AMBRA1: variants seen among roughly 807,000 people sequenced by gnomAD.
AMBRA1 encodes autophagy and beclin 1 regulator 1.
A neutral mutation model predicts 125.4 loss-of-function variants in AMBRA1; 47 were observed. The observed-to-expected ratio is 0.37, with a 90% CI of 0.30 to 0.48. The LOEUF is 0.48. Among genes scored for constraint, AMBRA1 ranks in the 20% least tolerant of loss-of-function variants. The probability of loss-of-function intolerance (pLI) is 0.99; values close to 1 mark genes in which losing one functional copy is unlikely to be tolerated. For synonymous variants in AMBRA1, 626 were observed against 655.5 expected (o/e 0.95, Z 0.69); for missense variants, 1,331 against 1,693.4 (o/e 0.79, Z 3.76).
rs1351740672 is a variant in AMBRA1, at chr11:46,470,127, T to G, written c.2521+23481A>C. Reference sequence around the variant, plus strand: ...TTAGAGCTAAAGAAAACATGCCAAGTGCCAAAATAAGTGCTCTAAAAGCTT... The same window carrying G: ...TTAGAGCTAAAGAAAACATGCCAAGGGCCAAAATAAGTGCTCTAAAAGCTT... On this transcript the variant is annotated intron_variant, in intron 11 of 17. Transcript: ENST00000683756. 4.6e-5 allele frequency among the ~76,000 whole-genome samples: 7 copies of G among 152,164 alleles called. No homozygotes were observed. The East Asian group carries it at 1.3e-3, about 29-fold the overall frequency.
chr11:46,441,336 A>C (rs1947992776), intron 12 of AMBRA1, among the ~76,000 whole-genome samples: 1 of 152,188 alleles, frequency 6.6e-6, no homozygotes, highest in South Asian at 2.1e-4. Flanking sequence ...CAATATGGCA[A>C]AACCCCGTCT....
At chr11:46,408,741 G>C (rs776725665) in intron 16 of AMBRA1, 35 bp from the exon 17 acceptor site, 11 of 1,492,872 alleles carry the variant, frequency 7.4e-6, no homozygotes, top group Non-Finnish European at 9.0e-6. Flanking sequence ...GTCAGATGGG[G>C]CTTGGGACAG....
rs902172402 is a variant in AMBRA1, at chr11:46,414,337, C to T, written c.3116+3576G>A. On this transcript the variant is annotated intron_variant, in intron 15 of 17. Transcript: ENST00000683756. ...TGGCAATTTTGGCTCCCTTTTGATT[C>T]GGAGGCATGCTTTCCCCTCCCTGGG... Among the ~76,000 whole-genome samples the T allele has an allele frequency of 7.9e-5, 12 of 152,154 alleles. No individual in the cohort carries two copies. In the East Asian group the frequency reaches 1.5e-3, roughly 20 times the overall value.
At position 46,501,683 on chromosome 11, in the gene AMBRA1, C is replaced by T. The variant is rs566254887; in HGVS notation, c.2339+6508G>A. 5.9e-5 allele frequency among the ~76,000 whole-genome samples: 9 copies of T among 152,298 alleles called. 1 individual carries two copies. The South Asian group carries it at 1.7e-3, about 28-fold the overall frequency. ...TACCTCACCCCACATTGACCACTGT[C>T]ACTCACTGATTCACCAAAAATCAAA... On this transcript the variant is annotated intron_variant, in intron 9 of 17. Coordinates refer to ENST00000683756, the MANE Select transcript of AMBRA1 (RefSeq NM_001387011.1).
chr11:46,479,558 G>A (rs987659156), intron 11 of AMBRA1, among the ~76,000 whole-genome samples: 3 of 151,990 alleles, frequency 2.0e-5, no homozygotes, highest in Non-Finnish European at 2.9e-5. Context: ...TTAGCCAGGT[G>A]TAGTGGCAGG....
intron 12 of AMBRA1, among the ~76,000 whole-genome samples, chr11:46,436,205 G>C (rs899921450): frequency 6.6e-6 from 1 of 152,182 alleles, no homozygotes; most frequent in African/African-American, 2.4e-5. Flanking sequence ...AAAGTCAAGG[G>C]CAAGTTTCCC....
At chr11:46,494,103 T>G (rs1950552602) in intron 10 of AMBRA1, 21 bp downstream of exon 10, 4 of 1,591,766 alleles carry the variant, frequency 2.5e-6, no homozygotes, top group African/African-American at 1.3e-5. Context: ...CTCCCTCTGT[T>G]GCTAGCAACT....
intron 1 of AMBRA1, among the ~76,000 whole-genome samples, chr11:46,562,765 T>C (rs1304907275): frequency 2.6e-5 from 4 of 151,820 alleles, no homozygotes; most frequent in Non-Finnish European, 5.9e-5. Flanking sequence ...ATTTTTCCTA[T>C]AAATTAATAG....
Position 46,397,606 on chromosome 11 carries a change from G to A in AMBRA1, c.3741C>T (p.Thr1247=), listed in dbSNP as rs748009899. ...GTPGREPTQP[T]LPSSSPVPIP... ...TGGGGACAGGGGAGGAAGAGGGCAG[G>A]GTTGGCTGGGTTGGCTCCCGCCCAG... Residue 1247 remains threonine, a synonymous_variant, in exon 18 of 18, where the codon ACC becomes ACT. Coordinates refer to ENST00000683756, the MANE Select transcript of AMBRA1 (RefSeq NM_001387011.1). 2.5e-6 allele frequency: 4 copies of A among 1,609,178 alleles called. No homozygotes were observed. The highest frequency in any genetic ancestry group is 2.2e-5 in the East Asian group (1 of 44,796).
intron 7 of AMBRA1, among the ~76,000 whole-genome samples, chr11:46,527,166 T>C (rs1226548800): frequency 6.6e-6 from 1 of 152,102 alleles, no homozygotes; most frequent in Non-Finnish European, 1.5e-5. Context: ...ATTAAGGCTA[T>C]TTGTGCTACC....
intron 11 of AMBRA1, among the ~76,000 whole-genome samples, chr11:46,481,512 C>A (rs561125542): frequency 4.6e-5 from 7 of 152,042 alleles, no homozygotes; most frequent in African/African-American, 1.2e-4. Flanking sequence ...TACAGGCATG[C>A]GTCACCATGC....
chr11:46,493,658 C>T lies in AMBRA1; in HGVS notation c.2471G>A (p.Arg824His), dbSNP rs1159949588. The T allele has an allele frequency of 1.2e-6, 2 of 1,604,452 alleles. No homozygotes were observed. Among genetic ancestry groups the T allele is most frequent in the Non-Finnish European group, 1.7e-6 (2 of 1,177,474 alleles). ...GTGAGTAGCCAAGCCAGGCTGTCCA[C>T]GTTCATGAAAAATCCCAGCATAAGG... ...YLPYAGIFHERGQPGLATHSS... is the reference protein window; with the variant it reads ...YLPYAGIFHEHGQPGLATHSS... The change falls in exon 11 of 18, where the codon CGT becomes CAT. Residue 824 changes from arginine to histidine, a missense_variant. By Grantham distance (29) the Arg-to-His change is conservative. This residue lies in a region of AMBRA1 where 354 missense variants were observed against 532.7 expected (regional missense o/e 0.66). Coordinates refer to ENST00000683756, the MANE Select transcript of AMBRA1 (RefSeq NM_001387011.1).
At chr11:46,409,349 C>T (rs1425828774) in intron 16 of AMBRA1, among the ~76,000 whole-genome samples, 1 of 152,086 alleles carries the variant, frequency 6.6e-6, no homozygotes, top group African/African-American at 2.4e-5. Context: ...TACAGGCATA[C>T]ACCACCATGC....
intron 11 of AMBRA1, among the ~76,000 whole-genome samples, chr11:46,486,723 T>A (rs1043990427): frequency 6.6e-6 from 1 of 151,998 alleles, no homozygotes; most frequent in South Asian, 2.1e-4. Flanking sequence ...CTGGCCAACA[T>A]AGTGAAACAC....
chr11:46,567,271 C>T (rs1384495266), intron 1 of AMBRA1, among the ~76,000 whole-genome samples: 1 of 152,158 alleles, frequency 6.6e-6, no homozygotes, highest in Non-Finnish European at 1.5e-5. Context: ...GTGGTTTCAC[C>T]ATTTTGGCCA....
At chr11:46,399,725 C>A (rs572346394) in intron 17 of AMBRA1, among the ~76,000 whole-genome samples, 19 of 152,242 alleles carry the variant, frequency 1.2e-4, no homozygotes, top group East Asian at 7.7e-4. Flanking sequence ...TTTCCCTTTA[C>A]CCCCCAGTCT....
chr11:46,445,596 A>AG (rs1948245985), intron 11 of AMBRA1, among the ~76,000 whole-genome samples: 2 of 152,190 alleles, frequency 1.3e-5, no homozygotes, highest in South Asian at 4.1e-4. Flanking sequence ...GATAATGAAA[A>AG]TCATTCTTTA....
chr11:46,406,275 A>G (rs1946014218), intron 17 of AMBRA1, among the ~76,000 whole-genome samples: 1 of 147,970 alleles, frequency 6.8e-6, no homozygotes, highest in South Asian at 2.2e-4. Flanking sequence ...CTGGTCTTGA[A>G]CTCCTGATCT....
intron 9 of AMBRA1, chr11:46,495,200 G>T (rs1168630621): frequency 3.3e-5 from 5 of 152,212 alleles, no homozygotes; most frequent in African/African-American, 1.2e-4. Flanking sequence ...AGCAGTTAAT[G>T]AGCGGCTTAA....
Sources: allele counts gnomAD v4.1 joint callset (sites outside exome capture counted in the v4.1 genomes callset), GRCh38; gene constraint gnomAD v4.1.1; regional missense constraint gnomAD v4.1.1; transcripts MANE v1.5; gene names NCBI Gene and HGNC (gene_info 2026-07-23, HGNC 2026-07-21).